MYCBP2: variants seen among roughly 807,000 people sequenced by gnomAD.
MYCBP2 encodes the protein E3 ubiquitin-protein ligase MYCBP2.
A neutral mutation model predicts 525.3 loss-of-function variants in MYCBP2; 120 were observed. The ratio of observed to expected loss-of-function variants is 0.23; its 90% CI spans 0.20 to 0.27. The LOEUF (loss-of-function observed/expected upper bound fraction) is 0.27. Ranked by LOEUF, MYCBP2 falls within the 10% of genes least tolerant of loss-of-function variation. The pLI, the probability that MYCBP2 is intolerant of heterozygous loss-of-function variation, is 1.00. For missense variants in MYCBP2, 4,149 were observed against 5,657.1 expected (o/e 0.73, Z 8.55); for synonymous variants, 1,894 against 1,955.8 (o/e 0.97, Z 0.83).
chr13:77,284,918 T>A (rs991439056), intron 3 of MYCBP2, among the ~76,000 whole-genome samples: 2 of 152,196 alleles, frequency 1.3e-5, no homozygotes, highest in African/African-American at 4.8e-5. Context: ...TAGCTAGTAA[T>A]TTTAATGGTG....
chr13:77,118,391 T>A (rs766255445), intron 55 of MYCBP2: 1 of 764,246 alleles, frequency 1.3e-6, no homozygotes, highest in Non-Finnish European at 2.4e-6. Flanking sequence ...ACAAATGGGC[T>A]GTGTACTAGG....
chr13:77,275,526 A>G (rs1406274380), intron 4 of MYCBP2, among the ~76,000 whole-genome samples: 2 of 152,150 alleles, frequency 1.3e-5, no homozygotes, highest in Non-Finnish European at 2.9e-5. Flanking sequence ...GGAGCCTGTT[A>G]AAGACTCTCA....
At chr13:77,073,099 C>T (rs1376362842) in intron 68 of MYCBP2, among the ~76,000 whole-genome samples, 1 of 152,038 alleles carries the variant, frequency 6.6e-6, no homozygotes. Context: ...GTCAATATTA[C>T]AGCATTTTTA....
rs1242497790 is a variant in MYCBP2, at chr13:77,098,331, T to C, written c.8823A>G (p.Leu2941=). The C allele has an allele frequency of 4.3e-6, 7 of 1,611,684 alleles. No homozygotes were observed. The highest frequency in any genetic ancestry group is 5.1e-6 in the Non-Finnish European group (6 of 1,179,724). The change falls in exon 56 of 83, where the codon TTA becomes TTG. Residue 2941 remains leucine (L), a synonymous_variant. Transcript: ENST00000544440. The part of the protein sequence containing the change: ...EVVEVCTSST[L]KTNSLTDSTC... Reference sequence around the variant, plus strand: ...TGCTGTCTGTTAGACTATTTGTTTTTAAAGTACTTGAGGTGCAGACTTCGA... The same window carrying C: ...TGCTGTCTGTTAGACTATTTGTTTTCAAAGTACTTGAGGTGCAGACTTCGA...
At chr13:77,200,968 G>A (rs1055516673) in intron 26 of MYCBP2, among the ~76,000 whole-genome samples, 18 of 151,860 alleles carry the variant, frequency 1.2e-4, no homozygotes, top group Non-Finnish European at 2.9e-5. Context: ...TCGAGACTAG[G>A]AAGAAACTGC....
At chr13:77,151,274 G>T (rs1271107686) in intron 46 of MYCBP2, among the ~76,000 whole-genome samples, 1 of 152,130 alleles carries the variant, frequency 6.6e-6, no homozygotes, top group Non-Finnish European at 1.5e-5. Flanking sequence ...TTATTGCAGG[G>T]ACTAACAAAT....
chr13:77,135,092 T>C (rs1157611455), intron 52 of MYCBP2, among the ~76,000 whole-genome samples: 4 of 152,226 alleles, frequency 2.6e-5, no homozygotes, highest in African/African-American at 7.2e-5. Context: ...CGTGCACACA[T>C]TGATGTCAAT....
intron 55 of MYCBP2, among the ~76,000 whole-genome samples, chr13:77,101,426 T>C (rs1431840160): frequency 6.6e-6 from 1 of 152,074 alleles, no homozygotes; most frequent in Admixed American, 6.6e-5. Flanking sequence ...TAGGAATGCA[T>C]ATGAACTTAC....
chr13:77,055,130 G>T (rs2037657385), intron 80 of MYCBP2, among the ~76,000 whole-genome samples: 1 of 117,676 alleles, frequency 8.5e-6, no homozygotes, highest in Non-Finnish European at 2.1e-5. Context: ...TAAGGGGTAG[G>T]TTAAAAAAAA....
intron 30 of MYCBP2, among the ~76,000 whole-genome samples, 177 bp from the exon 31 acceptor site, chr13:77,186,240 T>C (rs889004058): frequency 6.6e-6 from 1 of 152,200 alleles, no homozygotes; most frequent in Non-Finnish European, 1.5e-5. Flanking sequence ...TTTATTAAAT[T>C]ACCCTCAACA....
Position 77,205,348 on chromosome 13 carries a change from C to A in MYCBP2, c.3751G>T (p.Val1251Leu). 1 of 1,613,794 alleles carries A rather than the reference C, an allele frequency of 6.2e-7. No individual in the cohort carries two copies. The highest frequency in any genetic ancestry group is 8.5e-7 in the Non-Finnish European group (1 of 1,179,832). Residue 1251 changes from valine (V) to leucine (L), a missense_variant, in exon 26 of 83, where the codon GTA (valine) becomes TTA (leucine). Physicochemically the swap from Val to Leu is conservative, Grantham distance 32 (BLOSUM62 1). Around this residue, in one of 21 missense-constraint regions of MYCBP2, gnomAD observed 620 missense variants for 795.5 expected, o/e 0.78. Transcript: ENST00000544440. ...GGGWGYSAHS[V>L]EAIRFSADTD... ...TCGGCACTGAAACGTATAGCTTCTA[C>A]TGAATGGGCAGAATAACCCCAGCCT...
At chr13:77,048,134 G>T (rs2035977395) in intron 82 of MYCBP2, among the ~76,000 whole-genome samples, 1 of 152,074 alleles carries the variant, frequency 6.6e-6, no homozygotes, top group Admixed American at 6.5e-5. Context: ...AGGAGGTGGA[G>T]CTGTGGGAGG....
chr13:77,094,581 C>T (rs2045953889), intron 58 of MYCBP2, among the ~76,000 whole-genome samples: 1 of 152,134 alleles, frequency 6.6e-6, no homozygotes, highest in African/African-American at 2.4e-5. Flanking sequence ...CACATATTTC[C>T]TCCAGTAGCC....
At chr13:77,171,398 T>C in intron 38 of MYCBP2, 94 bp downstream of exon 38, 1 of 1,256,592 alleles carries the variant, frequency 8.0e-7, no homozygotes, top group Non-Finnish European at 1.1e-6. Context: ...TTCTATAAAA[T>C]TGTATAATAG....
chr13:77,212,423 A>G (rs1194664730), intron 21 of MYCBP2, among the ~76,000 whole-genome samples: 1 of 152,204 alleles, frequency 6.6e-6, no homozygotes, highest in East Asian at 1.9e-4. Flanking sequence ...CCACGCAAGA[A>G]GTATCTCCAA....
intron 76 of MYCBP2, among the ~76,000 whole-genome samples, chr13:77,059,875 A>C (rs2038950614): frequency 6.6e-6 from 1 of 152,188 alleles, no homozygotes. Flanking sequence ...TCAGTGAAAG[A>C]AACAGACTAG....
At chr13:77,093,122 A>G in intron 59 of MYCBP2, 43 bp downstream of exon 59, 1 of 1,541,634 alleles carries the variant, frequency 6.5e-7, no homozygotes, top group Non-Finnish European at 8.8e-7. Flanking sequence ...TCTTTCTTCC[A>G]CCAAACACTA....
In MYCBP2 at chr13:77,287,591, AT is replaced by A. The variant is rs1289019408; in HGVS notation, c.594+569del. Among the ~76,000 whole-genome samples, 111 of 148,336 alleles carry A rather than the reference AT, an allele frequency of 7.5e-4. 1 individual carries two copies. Among genetic ancestry groups the A allele is most frequent in the Middle Eastern group, 3.5e-3 (1 of 282 alleles). Reference sequence around the variant, plus strand: ...CAGAAGTTCAGTTGGTTCATAGGTGATTTTTTTTTTTCCTAATCAAGGGAAA... The same window carrying A: ...CAGAAGTTCAGTTGGTTCATAGGTGATTTTTTTTTTCCTAATCAAGGGAAA... On this transcript the variant is annotated intron_variant, in intron 3 of 82. Coordinates refer to ENST00000544440, the MANE Select transcript of MYCBP2 (RefSeq NM_015057.5).
At chr13:77,122,427 C>T (rs960994708) in intron 54 of MYCBP2, among the ~76,000 whole-genome samples, 2 of 151,836 alleles carry the variant, frequency 1.3e-5, no homozygotes, top group African/African-American at 4.8e-5. Context: ...CTTGGCCGGT[C>T]GCGGTGGCTT....
Sources: gnomAD v4.1 joint callset for allele counts (sites outside exome capture counted in the v4.1 genomes callset) on GRCh38, gnomAD v4.1.1 for gene constraint, gnomAD v4.1.1 regional missense constraint, MANE v1.5 for transcripts, NCBI Gene and HGNC (gene_info 2026-07-23, HGNC 2026-07-21) for gene names.